NCAPH: variants seen among roughly 807,000 people sequenced by gnomAD.
NCAPH encodes the protein condensin complex subunit 2.
A neutral mutation model predicts 85.5 loss-of-function variants in NCAPH; 38 were observed. The observed-to-expected ratio is 0.44, with a 90% CI of 0.34 to 0.58. The LOEUF is 0.58. Ranked by LOEUF, NCAPH falls within the 20% of genes least tolerant of loss-of-function variation. The pLI is 0.01. For synonymous variants in NCAPH, 301 were observed against 335.1 expected (o/e 0.90, Z 1.11); for missense variants, 789 against 916.6 (o/e 0.86, Z 1.80).
chr2:96,343,330 A>G, intron 5 of NCAPH, 26 bp downstream of exon 5: 1 of 1,601,992 alleles, frequency 6.2e-7, no homozygotes, highest in Non-Finnish European at 8.5e-7. Flanking sequence ...TCTGGATTTA[A>G]GTGGCTCTTT....
At chr2:96,354,486 T>C (rs2064495709) in intron 9 of NCAPH, 98 bp downstream of exon 9, 3 of 1,084,688 alleles carry the variant, frequency 2.8e-6, no homozygotes, top group Non-Finnish European at 3.7e-6. Flanking sequence ...TTCTTTCTTT[T>C]TTTTTCCCCC....
intron 9 of NCAPH, among the ~76,000 whole-genome samples, chr2:96,356,210 C>T (rs2064522613): frequency 6.6e-6 from 1 of 152,220 alleles, no homozygotes; most frequent in South Asian, 2.1e-4. Flanking sequence ...TGGGAGGCTG[C>T]AGTTCTAGTC....
At chr2:96,369,623 C>CT in intron 17 of NCAPH, 123 bp downstream of exon 17, 1 of 952,332 alleles carries the variant, frequency 1.1e-6, no homozygotes, top group East Asian at 2.5e-5. Context: ...ACTTATGTAG[C>CT]ACCTTCAACC....
chr2:96,367,224 G>T, intron 14 of NCAPH, 33 bp from the exon 15 acceptor site: 1 of 1,455,772 alleles, frequency 6.9e-7, no homozygotes, highest in Non-Finnish European at 9.6e-7. Context: ...TCTTTATTCT[G>T]CTTAGTTTTA....
rs2064714077 is a variant in NCAPH at position 96,367,327 on chromosome 2, T to C, written c.1952T>C (p.Met651Thr). The C allele has an allele frequency of 2.5e-6, 4 of 1,613,560 alleles. No individual in the cohort carries two copies. The highest frequency in any genetic ancestry group is 1.3e-5 in the African/African-American group (1 of 74,920). ...KMDMKKLKQS[M>T]WSLLTALSGK... ...GACATGAAGAAACTGAAGCAGAGCA[T>C]GTGGAGTCTGCTGACAGCGCTCTCC... The change falls in exon 15 of 18, where the codon ATG (methionine) becomes ACG (threonine). Residue 651 changes from methionine (M) to threonine (T), a missense_variant. By Grantham distance (81) the Met-to-Thr change is moderately conservative. Coordinates refer to ENST00000240423, the MANE Select transcript of NCAPH (RefSeq NM_015341.5).
chr2:96,340,318 C>T (rs546921063), intron 1 of NCAPH, among the ~76,000 whole-genome samples: 1 of 151,908 alleles, frequency 6.6e-6, no homozygotes, highest in African/African-American at 2.4e-5. Context: ...CTGGAACTTT[C>T]CCTAAATTCT....
intron 14 of NCAPH, among the ~76,000 whole-genome samples, chr2:96,366,277 G>C (rs564499289): frequency 6.6e-6 from 1 of 152,292 alleles, no homozygotes; most frequent in East Asian, 1.9e-4. Flanking sequence ...TGTAACTAGG[G>C]AGGAACTGGT....
chr2:96,375,331 G>C lies in NCAPH; in HGVS notation c.*1980G>C, dbSNP rs1467105061. ...GGTTGCTGTGGGCTATGTGTGCTGT[G>C]GTCTGAATGTTTGTGTCTAAAATTC... On this transcript the variant is annotated 3_prime_UTR_variant, in exon 18 of 18. Transcript: ENST00000240423. Among the ~76,000 whole-genome samples the C allele has an allele frequency of 6.6e-6, 1 of 152,162 alleles. No homozygotes were observed. Among genetic ancestry groups the C allele is most frequent in the Admixed American group, 6.5e-5 (1 of 15,272 alleles).
In NCAPH at chr2:96,342,153, T is replaced by C. The variant is rs770525600; in HGVS notation, c.363+13T>C. The C allele has an allele frequency of 8.2e-6, 13 of 1,579,102 alleles. No homozygotes were observed. Among genetic ancestry groups the C allele is most frequent in the Non-Finnish European group, 9.6e-6 (11 of 1,148,330 alleles). On this transcript the variant is annotated intron_variant, in intron 3 of 17. Coordinates refer to ENST00000240423, the MANE Select transcript of NCAPH (RefSeq NM_015341.5). ...GTCCACTGAAAATGTGAGTATTTGCTGGTTTATTATTGAAGACGTAATCCC... is the reference window on the plus strand; with the variant it reads ...GTCCACTGAAAATGTGAGTATTTGCCGGTTTATTATTGAAGACGTAATCCC...
intron 6 of NCAPH, among the ~76,000 whole-genome samples, chr2:96,345,748 A>G (rs942700118): frequency 6.6e-6 from 1 of 152,206 alleles, no homozygotes; most frequent in African/African-American, 2.4e-5. Context: ...AGAGAGATAT[A>G]TATAGAGAGA....
chr2:96,341,427 T>C (rs1362767145), intron 1 of NCAPH: 4 of 568,868 alleles, frequency 7.0e-6, no homozygotes, highest in Non-Finnish European at 9.2e-6. Flanking sequence ...TGGATATTTG[T>C]CCCAGATTAA....
intron 6 of NCAPH, among the ~76,000 whole-genome samples, chr2:96,349,261 CT>C (rs1220569043): frequency 6.6e-6 from 1 of 152,014 alleles, no homozygotes; most frequent in Non-Finnish European, 1.5e-5. Flanking sequence ...TCCTGGAAAG[CT>C]TTTTTTGCTC....
In NCAPH at chr2:96,360,189, A is replaced by G; in HGVS notation, c.1404A>G (p.Lys468=). The G allele has an allele frequency of 6.3e-7, 1 of 1,592,960 alleles. No individual in the cohort carries two copies. Among genetic ancestry groups the G allele is most frequent in the Non-Finnish European group, 8.6e-7 (1 of 1,162,728 alleles). Residue 468 remains lysine, a synonymous_variant, in exon 11 of 18, where the codon AAA becomes AAG. Coordinates refer to ENST00000240423, the MANE Select transcript of NCAPH (RefSeq NM_015341.5). ...AAAACAAAAAGAAGAGTACAAAAAAAGATTTTGAAATTGACTTTGAAGATG... is the reference window on the plus strand; with the variant it reads ...AAAACAAAAAGAAGAGTACAAAAAAGGATTTTGAAATTGACTTTGAAGATG... The part of the protein sequence containing the change: ...QSENKKKSTK[K]DFEIDFEDDI...
chr2:96,365,453 A>G (rs564782897), intron 13 of NCAPH, among the ~76,000 whole-genome samples: 8 of 152,014 alleles, frequency 5.3e-5, no homozygotes, highest in Non-Finnish European at 7.4e-5. Flanking sequence ...TGTGATCGCA[A>G]AAATGACTTT....
intron 12 of NCAPH, among the ~76,000 whole-genome samples, chr2:96,361,392 A>C (rs1414181047): frequency 6.6e-6 from 1 of 151,850 alleles, no homozygotes; most frequent in Non-Finnish European, 1.5e-5. Flanking sequence ...TTACTCACCA[A>C]TTGCTTTATA....
At chr2:96,364,365 A>C (rs540107424) in intron 12 of NCAPH, 116 bp from the exon 13 acceptor site, 1 of 671,100 alleles carries the variant, frequency 1.5e-6, no homozygotes. Flanking sequence ...GGCCCTTCTG[A>C]CTCTAAAATT....
At chr2:96,352,793 A>G (rs537206690) in intron 7 of NCAPH, among the ~76,000 whole-genome samples, 28 of 152,160 alleles carry the variant, frequency 1.8e-4, no homozygotes, top group African/African-American at 4.8e-4. Flanking sequence ...TGTCATTTCT[A>G]TTCTTGCCTC....
chr2:96,366,736 G>A (rs944731937), intron 14 of NCAPH, among the ~76,000 whole-genome samples: 5 of 152,106 alleles, frequency 3.3e-5, no homozygotes, highest in Admixed American at 3.3e-4. Context: ...AATTAGCTGG[G>A]CATGGTGGCA....
rs2064448134 is a variant in NCAPH at position 96,351,880 on chromosome 2, C to T, written c.770C>T (p.Thr257Ile). Residue 257 changes from threonine (T) to isoleucine (I), a missense_variant, in exon 7 of 18, where the codon ACA becomes ATA. Thr to Ile is a moderately conservative substitution (Grantham distance 89). Coordinates refer to ENST00000240423, the MANE Select transcript of NCAPH (RefSeq NM_015341.5). Reference protein sequence around the residue: ...KTAASFDECSTAGVFLSTLHC... With the variant: ...KTAASFDECSIAGVFLSTLHC... ...GCAGCCTCATTTGATGAGTGCAGCA[C>T]AGCAGGGGTGTTTCTGTCCACTCTC... The T allele has an allele frequency of 8.1e-6, 13 of 1,614,014 alleles. No homozygotes were observed. Among genetic ancestry groups the T allele is most frequent in the Non-Finnish European group, 1.1e-5 (13 of 1,179,902 alleles).
Sources: allele counts gnomAD v4.1 joint callset (sites outside exome capture counted in the v4.1 genomes callset), GRCh38; gene constraint gnomAD v4.1.1; transcripts MANE v1.5; gene names NCBI Gene and HGNC (gene_info 2026-07-23, HGNC 2026-07-21).